The following KIAA1217 variants were observed in gnomAD, a reference collection of about 807,000 sequenced individuals.
The protein encoded by KIAA1217 is sickle tail protein homolog.
A neutral mutation model predicts 163.9 loss-of-function variants in KIAA1217; 88 were observed. The observed-to-expected ratio is 0.54, with a 90% CI of 0.45 to 0.64. KIAA1217 has a LOEUF of 0.64. KIAA1217 is among the 30% of genes least tolerant of loss of function. KIAA1217 has a pLI of 0.00. For synonymous variants in KIAA1217, 903 were observed against 923.1 expected (o/e 0.98, Z 0.39); for missense variants, 2,372 against 2,475.0 (o/e 0.96, Z 0.88).
chr10:23,939,349 G>A (rs1366846383), intron 1 of KIAA1217, among the ~76,000 whole-genome samples: 2 of 152,138 alleles, frequency 1.3e-5, no homozygotes, highest in Non-Finnish European at 2.9e-5. Context: ...GCATGCATGT[G>A]TGTGGTGCAT....
intron 1 of KIAA1217, 89 bp from the exon 2 acceptor site, chr10:24,219,537 A>T: frequency 9.1e-7 from 1 of 1,098,972 alleles, no homozygotes; most frequent in Non-Finnish European, 1.3e-6. Flanking sequence ...TTCATACATT[A>T]ACAACTGCCG....
intron 6 of KIAA1217, chr10:24,483,001 C>T (rs1462639003): frequency 7.6e-6 from 1 of 132,128 alleles, no homozygotes; most frequent in Non-Finnish European, 1.6e-5. Flanking sequence ...GCCTGGGCAA[C>T]AGAGCAAGAT....
intron 1 of KIAA1217, among the ~76,000 whole-genome samples, chr10:23,987,357 A>G (rs1200936056): frequency 7.2e-6 from 1 of 138,340 alleles, no homozygotes; most frequent in African/African-American, 2.8e-5. Context: ...AGCCTGGGCG[A>G]CACAGCGAGA....
chr10:23,978,876 C>T (rs979984816), intron 1 of KIAA1217, among the ~76,000 whole-genome samples: 1 of 152,266 alleles, frequency 6.6e-6, no homozygotes, highest in African/African-American at 2.4e-5. Flanking sequence ...AGCTAACCAA[C>T]GTGTTCTACC....
intron 3 of KIAA1217, among the ~76,000 whole-genome samples, chr10:24,397,936 C>T (rs1405021652): frequency 6.6e-6 from 1 of 152,154 alleles, no homozygotes; most frequent in Admixed American, 6.6e-5. Flanking sequence ...CCTTTACTTA[C>T]CTTGTCTGTG....
At chr10:24,304,359 AT>A (rs2041761364) in intron 2 of KIAA1217, among the ~76,000 whole-genome samples, 1 of 151,858 alleles carries the variant, frequency 6.6e-6, no homozygotes, top group Admixed American at 6.6e-5. Flanking sequence ...ATTTAAAAAA[AT>A]TTTTTTACTT....
At chr10:23,837,405 C>G (rs1273052437) in intron 1 of KIAA1217, among the ~76,000 whole-genome samples, 3 of 152,188 alleles carry the variant, frequency 2.0e-5, no homozygotes, top group Non-Finnish European at 1.5e-5. Flanking sequence ...CATTCAAGAC[C>G]TTAGTAATTT....
At chr10:24,234,426 G>A (rs2071895855) in intron 2 of KIAA1217, among the ~76,000 whole-genome samples, 1 of 152,074 alleles carries the variant, frequency 6.6e-6, no homozygotes, top group South Asian at 2.1e-4. Flanking sequence ...CACTTTGGGA[G>A]GCTAAGGCAG....
chr10:24,002,273 T>C (rs567243141), intron 1 of KIAA1217, among the ~76,000 whole-genome samples: 103 of 152,300 alleles, frequency 6.8e-4, no homozygotes, highest in African/African-American at 2.3e-3. Context: ...CAGTCACTTG[T>C]GGTTCTTTCC....
rs561129878 is a variant in KIAA1217 at position 24,081,656 on chromosome 10, AAAG to A, written c.-171+74288_-171+74290del. Among the ~76,000 whole-genome samples, 24 of 152,296 alleles carry A rather than the reference AAAG, an allele frequency of 1.6e-4. No homozygotes were observed. In the East Asian group the frequency reaches 4.3e-3, roughly 27 times the overall value. ...TTGGCTTCCCTGGGCCACATTGGAAAAAGAAGAATTGTCTTGGGCCACATATAA... is the reference window on the plus strand; with the variant it reads ...TTGGCTTCCCTGGGCCACATTGGAAAAAGAATTGTCTTGGGCCACATATAA... On this transcript the variant is annotated intron_variant, in intron 2 of 18. Transcript: ENST00000376462.
intron 2 of KIAA1217, among the ~76,000 whole-genome samples, chr10:24,059,486 C>A (rs1195805945): frequency 6.6e-6 from 1 of 152,074 alleles, no homozygotes; most frequent in South Asian, 2.1e-4. Context: ...GTTGAATTTA[C>A]CAGTGAACCA....
chr10:24,128,482 G>A lies in KIAA1217; in HGVS notation c.-170-91144G>A, dbSNP rs545370272. The stretch of plus-strand genomic sequence containing the variant: ...GTTGGAATGAATAGGGCTGGCTCCA[G>A]AAAGTGCTGACTTCAACATTTTTGC... On this transcript the variant is annotated intron_variant, in intron 2 of 18. Transcript: ENST00000376462. 2.0e-5 allele frequency among the ~76,000 whole-genome samples: 3 copies of A among 152,326 alleles called. No individual in the cohort carries two copies. The South Asian group carries it at 6.2e-4, about 32-fold the overall frequency.
intron 2 of KIAA1217, among the ~76,000 whole-genome samples, chr10:24,251,400 C>CAAAA (rs55668887): frequency 5.1e-4 from 46 of 90,518 alleles, no homozygotes; most frequent in East Asian, 1.5e-3. Context: ...GACACTGTCT[C>CAAAA]AAAAAAAAAA....
intron 1 of KIAA1217, among the ~76,000 whole-genome samples, chr10:23,731,811 G>C (rs1264134035): frequency 6.6e-6 from 1 of 151,960 alleles, no homozygotes. Context: ...TAAATCATGA[G>C]TGAGTGTTAG....
At chr10:23,968,984 A>T (rs549843554) in intron 1 of KIAA1217, among the ~76,000 whole-genome samples, 1 of 152,302 alleles carries the variant, frequency 6.6e-6, no homozygotes, top group African/African-American at 2.4e-5. Flanking sequence ...TCTCTTGAGT[A>T]CATACCTACA....
intron 1 of KIAA1217, among the ~76,000 whole-genome samples, chr10:23,861,448 C>T (rs1839945900): frequency 6.6e-6 from 1 of 152,170 alleles, no homozygotes; most frequent in Admixed American, 6.5e-5. Context: ...GAATATGTTA[C>T]ATTACACGGT....
intron 1 of KIAA1217, among the ~76,000 whole-genome samples, chr10:23,892,695 T>C (rs1841466557): frequency 6.6e-6 from 1 of 151,998 alleles, no homozygotes; most frequent in Non-Finnish European, 1.5e-5. Flanking sequence ...TAATGATAGC[T>C]TATTTTTTAA....
Position 24,402,524 on chromosome 10 carries a change from A to C in KIAA1217, c.553+21457A>C, listed in dbSNP as rs55978868. 7.6e-4 allele frequency among the ~76,000 whole-genome samples: 54 copies of C among 71,362 alleles called. 2 individuals are homozygous for C. The highest frequency in any genetic ancestry group is 3.1e-3 in the African/African-American group (48 of 15,552). 46.8% of individuals were successfully genotyped at this position (71,362 alleles called of 152,430 possible). On this transcript the variant is annotated intron_variant, in intron 3 of 20. Coordinates refer to ENST00000376454, the MANE Select transcript of KIAA1217 (RefSeq NM_019590.5). ...ACTCCCTCTCAAAAAAACAAAAAAC[A>C]AAACAAAAAAAAAAAAAAGGCAAAG...
chr10:23,942,355 T>G (rs1435222539), intron 1 of KIAA1217, among the ~76,000 whole-genome samples: 1 of 152,108 alleles, frequency 6.6e-6, no homozygotes, highest in Non-Finnish European at 1.5e-5. Context: ...AAATGAAAAC[T>G]TTCAAAAAGA....
Sources: gnomAD v4.1 joint callset for allele counts (sites outside exome capture counted in the v4.1 genomes callset) on GRCh38, gnomAD v4.1.1 for gene constraint, MANE v1.5 for transcripts, NCBI Gene and HGNC (gene_info 2026-07-23, HGNC 2026-07-21) for gene names.